Variants in FBXO42 observed in about 807,000 individuals in gnomAD.
FBXO42 encodes F-box only protein 42.
A neutral mutation model predicts 71.7 loss-of-function variants in FBXO42; 12 were observed. The ratio of observed to expected loss-of-function variants is 0.17; its 90% CI spans 0.11 to 0.27. The LOEUF is 0.27. FBXO42 is among the 10% of genes least tolerant of loss of function. FBXO42 has a pLI of 1.00. For synonymous variants in FBXO42, 325 were observed against 327.5 expected (o/e 0.99, Z 0.08); for missense variants, 707 against 911.9 (o/e 0.78, Z 2.89).
chr1:16,251,783 C>T lies in FBXO42; in HGVS notation c.1041G>A (p.Val347=). The part of the protein sequence containing the change: ...PELWCHPACR[V]GQCVVVFSQA... ...GGCTGAAGACCACCACACACTGTCC[C>T]ACCTGGAAGACAAAGGACCAGTGCT... The change falls in exon 10 of 10, where the codon GTG becomes GTA. Residue 347 remains valine (V), a splice_region_variant and synonymous_variant. Transcript: ENST00000375592. This position sits in a 1 kb window ranked among gnomAD's most constrained non-coding sequence, Gnocchi z 4.5. 6.2e-7 allele frequency: 1 copy of T among 1,610,734 alleles called. No homozygotes were observed. The highest frequency in any genetic ancestry group is 8.5e-7 in the Non-Finnish European group (1 of 1,178,014).
At chr1:16,253,577 C>T (rs1396159912) in intron 7 of FBXO42, 58 bp downstream of exon 7, 39 of 1,524,226 alleles carry the variant, frequency 2.6e-5, no homozygotes, top group East Asian at 1.4e-4. Flanking sequence ...CTCCCTCTCC[C>T]GTCCTAACTG....
chr1:16,329,178 A>AG (rs1458426457), intron 1 of FBXO42, among the ~76,000 whole-genome samples: 1 of 151,308 alleles, frequency 6.6e-6, no homozygotes, highest in Non-Finnish European at 1.5e-5. Context: ...AAAAAAAAAA[A>AG]AAAAGAAAAT....
chr1:16,304,085 G>A (rs1054692217), intron 3 of FBXO42, among the ~76,000 whole-genome samples: 5 of 151,196 alleles, frequency 3.3e-5, no homozygotes, highest in East Asian at 1.9e-4. Context: ...GATTAGAGGC[G>A]TGAGCCACAG....
At chr1:16,328,814 G>A (rs1387278947) in intron 1 of FBXO42, among the ~76,000 whole-genome samples, 2 of 152,102 alleles carry the variant, frequency 1.3e-5, no homozygotes, top group African/African-American at 4.8e-5. Flanking sequence ...AGATGAGCCT[G>A]GAGAATCCAG....
At chr1:16,264,107 G>A (rs1158801666) in intron 4 of FBXO42, among the ~76,000 whole-genome samples, 1 of 152,098 alleles carries the variant, frequency 6.6e-6, no homozygotes, top group East Asian at 1.9e-4. Context: ...CACCATGCCA[G>A]GCCAACAATA....
intron 1 of FBXO42, among the ~76,000 whole-genome samples, chr1:16,319,153 G>C (rs116513700): frequency 3.9e-5 from 6 of 152,264 alleles, no homozygotes; most frequent in African/African-American, 7.2e-5. Flanking sequence ...TGGATTTGGC[G>C]GGGGGTGGGG....
chr1:16,260,369 C>T (rs776575033), intron 4 of FBXO42, among the ~76,000 whole-genome samples: 29 of 151,870 alleles, frequency 1.9e-4, no homozygotes, highest in Non-Finnish European at 3.8e-4. Context: ...CTGCCACGCC[C>T]GGCTAATTTT....
At chr1:16,335,388 T>C (rs529856265) in intron 1 of FBXO42, among the ~76,000 whole-genome samples, 40 of 152,290 alleles carry the variant, frequency 2.6e-4, no homozygotes, top group Non-Finnish European at 4.7e-4. Flanking sequence ...TCCTCCTGTA[T>C]TGGCATCCAA....
At chr1:16,331,107 A>G (rs78844379) in intron 1 of FBXO42, among the ~76,000 whole-genome samples, 3 of 151,702 alleles carry the variant, frequency 2.0e-5, no homozygotes, top group African/African-American at 4.8e-5. Context: ...TGACGGAGTG[A>G]AACTCCATCT....
At chr1:16,329,732 G>A (rs932316310) in intron 1 of FBXO42, among the ~76,000 whole-genome samples, 4 of 151,744 alleles carry the variant, frequency 2.6e-5, no homozygotes, top group East Asian at 3.9e-4. Context: ...GGCAGATCAC[G>A]AGGTCAGGAG....
intron 2 of FBXO42, among the ~76,000 whole-genome samples, chr1:16,314,117 T>A (rs1199471722): frequency 6.6e-6 from 1 of 151,992 alleles, no homozygotes; most frequent in Non-Finnish European, 1.5e-5. Flanking sequence ...ACACCTGGCT[T>A]ATTTTTGTAT....
chr1:16,307,259 G>A (rs924356647), intron 2 of FBXO42, among the ~76,000 whole-genome samples: 2 of 152,108 alleles, frequency 1.3e-5, no homozygotes, highest in African/African-American at 4.8e-5. Flanking sequence ...AGTGCTTTAG[G>A]AAGCCAAAGC....
At chr1:16,288,437 T>A (rs922249065) in intron 4 of FBXO42, among the ~76,000 whole-genome samples, 4 of 149,830 alleles carry the variant, frequency 2.7e-5, no homozygotes, top group Admixed American at 6.7e-5. Context: ...TCAAAAAAAA[T>A]AAAAATAAAA....
rs2081593102 is a variant in FBXO42, at chr1:16,251,645, A to G, written c.1179T>C (p.Ser393=). ...VPETREYRSQ[S]PVRSMDEAPC... Reference sequence around the variant, plus strand: ...GAGCTTCATCCATGCTTCTTACTGGAGACTGAGAGCGGTACTCTCGGGTTT... The same window carrying G: ...GAGCTTCATCCATGCTTCTTACTGGGGACTGAGAGCGGTACTCTCGGGTTT... The change falls in exon 10 of 10, where the codon TCT becomes TCC. Residue 393 remains serine (S), a synonymous_variant. Coordinates refer to ENST00000375592, the MANE Select transcript of FBXO42 (RefSeq NM_018994.3). The surrounding 1 kb of genome is among the most constrained non-coding windows in gnomAD (Gnocchi z 4.5). 1 of 1,614,050 alleles carries G rather than the reference A, an allele frequency of 6.2e-7. No homozygotes were observed.
intron 2 of FBXO42, among the ~76,000 whole-genome samples, chr1:16,310,699 C>G (rs775769573): frequency 6.6e-6 from 1 of 152,026 alleles, no homozygotes. Flanking sequence ...ACTCTTAAAA[C>G]TCAACAATAT....
rs1569792906 is a variant in FBXO42 at position 16,247,780 on chromosome 1, A to C, written c.*2890T>G. 1 of 152,302 alleles carries C rather than the reference A, an allele frequency of 6.6e-6. No homozygotes were observed. Among genetic ancestry groups the C allele is most frequent in the Admixed American group, 6.5e-5 (1 of 15,300 alleles). 9.4% of individuals were successfully genotyped at this position (152,302 alleles called of 1,614,324 possible). ...GTTGTGGAGTCCACCAACCAAATGA[A>C]GGGTGGAAATAGGAATGAAAACACA... On this transcript the variant is annotated 3_prime_UTR_variant, in exon 10 of 10. Coordinates refer to ENST00000375592, the MANE Select transcript of FBXO42 (RefSeq NM_018994.3).
rs1452509571 is a variant in FBXO42, at chr1:16,248,801, ATGT to A, written c.*1866_*1868del. ...AGTTGGATGCCACATAAGTAGACACATGTTGTTTCCTCATTGAAGGGAACACAA... is the reference window on the plus strand; with the variant it reads ...AGTTGGATGCCACATAAGTAGACACATGTTTCCTCATTGAAGGGAACACAA... On this transcript the variant is annotated 3_prime_UTR_variant, in exon 10 of 10. Transcript: ENST00000375592. 2 of 152,262 alleles carry A rather than the reference ATGT, an allele frequency of 1.3e-5. No homozygotes were observed. The highest frequency in any genetic ancestry group is 2.4e-5 in the African/African-American group (1 of 41,470). 9.4% of individuals were successfully genotyped at this position (152,262 alleles called of 1,614,324 possible).
In FBXO42 at chr1:16,346,691, G is replaced by GAA. The variant is rs557312285; in HGVS notation, c.-18+5562_-18+5563dup. 2.4e-3 allele frequency among the ~76,000 whole-genome samples: 275 copies of GAA among 114,170 alleles called. 1 individual carries two copies. The highest frequency in any genetic ancestry group is 8.5e-3 in the African/African-American group (264 of 31,190). The allele number at this position is 114,170 out of a possible 152,430, so 74.9% of individuals were successfully genotyped here. On this transcript the variant is annotated intron_variant, in intron 1 of 9. Transcript: ENST00000375592. ...CGACAGAGCTAGACTCCGTCTCGGG[G>GAA]AAAAAAAAAAAAAAACAAGAGAAAA...
In FBXO42 at chr1:16,249,072, G is replaced by A. The variant is rs1185499357; in HGVS notation, c.*1598C>T. ...GCTAATAATAAAAAGAGGAGTGTCAGGGTGGCAAGGTGATGTTTTGAAATT... is the reference window on the plus strand; with the variant it reads ...GCTAATAATAAAAAGAGGAGTGTCAAGGTGGCAAGGTGATGTTTTGAAATT... On this transcript the variant is annotated 3_prime_UTR_variant, in exon 10 of 10. Coordinates refer to ENST00000375592, the MANE Select transcript of FBXO42 (RefSeq NM_018994.3). 1 of 152,246 alleles carries A rather than the reference G, an allele frequency of 6.6e-6. No individual in the cohort carries two copies. The highest frequency in any genetic ancestry group is 1.5e-5 in the Non-Finnish European group (1 of 68,038). The allele number at this position is 152,246 out of a possible 1,614,324, so 9.4% of individuals were successfully genotyped here. A position where few individuals can be genotyped will look rare whatever the true frequency, so the allele number is the denominator to read the frequency against.
Sources: gnomAD v4.1 joint callset for allele counts (sites outside exome capture counted in the v4.1 genomes callset) on GRCh38, gnomAD v4.1.1 for gene constraint, Gnocchi (gnomAD v3.1) non-coding constraint, MANE v1.5 for transcripts, NCBI Gene and HGNC (gene_info 2026-07-23, HGNC 2026-07-21) for gene names.